Variants in POTEC observed in about 807,000 individuals in gnomAD.
POTEC encodes ANKRD26-like family B member 2.
POTEC carries 35 observed loss-of-function variants against 62.0 expected under a neutral mutation model. That is an observed-to-expected ratio of 0.56 (90% CI 0.43 to 0.75). The LOEUF (loss-of-function observed/expected upper bound fraction) is 0.75, where lower values mean the gene tolerates loss of function less well. Ranked by LOEUF, POTEC falls within the 30% of genes least tolerant of loss-of-function variation. The pLI is 0.00. For missense variants in POTEC, 472 were observed against 655.9 expected, an observed-to-expected ratio of 0.72 and a Z score of 3.06; for synonymous variants, 156 against 221.5, an observed-to-expected ratio of 0.70 and a Z score of 2.62.
chr18:14,533,738 A>T (rs1233901953), intron 4 of POTEC, among the ~76,000 whole-genome samples: 1 of 152,142 alleles, frequency 6.6e-6, no homozygotes, highest in Non-Finnish European at 1.5e-5. Flanking sequence ...ACTTTGAAGG[A>T]TATATTCTCC....
chr18:14,537,837 C>T lies in POTEC; in HGVS notation c.774G>A (p.Leu258=). Residue 258 remains leucine, a synonymous_variant, in exon 3 of 11, where the codon CTG becomes CTA. Transcript: ENST00000358970. ...HNEDKLMAKA[L]LLYGADIESK... is the part of the protein sequence containing the mutation. ...ATTCAATATCAGCACCATATAAGAGCAGTGCTTTGGCCATTAATTTATCTT... is the reference window on the plus strand; with the variant it reads ...ATTCAATATCAGCACCATATAAGAGTAGTGCTTTGGCCATTAATTTATCTT... 6.2e-7 allele frequency: 1 copy of T among 1,611,916 alleles called. No homozygotes were observed. Among genetic ancestry groups the T allele is most frequent in the East Asian group, 2.2e-5 (1 of 44,862 alleles).
chr18:14,533,606 C>A (rs1167067061), intron 4 of POTEC, among the ~76,000 whole-genome samples: 1 of 152,058 alleles, frequency 6.6e-6, no homozygotes, highest in Non-Finnish European at 1.5e-5. Context: ...ATGCTGAAAG[C>A]AGTAATATTA....
chr18:14,514,222 T>C (rs1388117891), intron 9 of POTEC, among the ~76,000 whole-genome samples: 1 of 151,896 alleles, frequency 6.6e-6, no homozygotes, highest in Admixed American at 6.6e-5. Flanking sequence ...ACAACCTATA[T>C]CCCATGCATG....
Position 14,530,618 on chromosome 18 carries a change from A to G in POTEC, c.1056-65T>C, listed in dbSNP as rs558395345. ...TACTGATATAAAAAATACTTACCAA[A>G]TGTAAAATTCTTAGAGTATTTCAAA... On this transcript the variant is annotated intron_variant, in intron 5 of 10. Transcript: ENST00000358970. 1.8e-5 allele frequency: 22 copies of G among 1,223,938 alleles called. No individual in the cohort carries two copies. In the African/African-American group the frequency reaches 3.2e-4, roughly 18 times the overall value. The allele number at this position is 1,223,938 out of a possible 1,614,324, so 75.8% of individuals were successfully genotyped here.
At chr18:14,541,289 G>A (rs1474863167) in intron 1 of POTEC, among the ~76,000 whole-genome samples, 2 of 152,136 alleles carry the variant, frequency 1.3e-5, no homozygotes, top group African/African-American at 4.8e-5. Context: ...TATGTGCACA[G>A]GTCACTGGTA....
chr18:14,530,063 T>G (rs1905451974), intron 6 of POTEC, among the ~76,000 whole-genome samples: 1 of 151,868 alleles, frequency 6.6e-6, no homozygotes, highest in South Asian at 2.1e-4. Flanking sequence ...TGGCTCATAT[T>G]ACCGCCTGAA....
intron 3 of POTEC, among the ~76,000 whole-genome samples, chr18:14,537,586 G>T (rs1424247001): frequency 1.3e-5 from 2 of 151,106 alleles, no homozygotes; most frequent in Non-Finnish European, 1.5e-5. Context: ...TTTTAAAAAA[G>T]CATTAACCAC....
Position 14,526,575 on chromosome 18 carries a change from G to C in POTEC, c.1127-1592C>G, listed in dbSNP as rs1369019063. Among the ~76,000 whole-genome samples, 7 of 152,190 alleles carry C rather than the reference G, an allele frequency of 4.6e-5. No homozygotes were observed. The South Asian group carries it at 1.2e-3, about 27-fold the overall frequency. The stretch of plus-strand genomic sequence containing the variant: ...TATTGAGGCTAGCTAGATTAAAAGT[G>C]GTAGAGGGCAAGAAAGGGTGACAGC... On this transcript the variant is annotated intron_variant, in intron 6 of 10. Coordinates refer to ENST00000358970, the MANE Select transcript of POTEC (RefSeq NM_001137671.2).
chr18:14,539,264 G>T (rs1463950363), intron 1 of POTEC, among the ~76,000 whole-genome samples: 8 of 151,910 alleles, frequency 5.3e-5, no homozygotes, highest in African/African-American at 1.7e-4. Flanking sequence ...AACTATTTGT[G>T]GAGCTTTTTT....
At chr18:14,542,480 G>A (rs763989846) in intron 1 of POTEC, 146 bp downstream of exon 1, 14 of 1,286,510 alleles carry the variant, frequency 1.1e-5, no homozygotes, top group African/African-American at 4.5e-5. Context: ...AGGGACCTGG[G>A]CCCTGACCTC....
At chr18:14,514,209 T>C (rs1228733858) in intron 9 of POTEC, among the ~76,000 whole-genome samples, 1 of 151,606 alleles carries the variant, frequency 6.6e-6, no homozygotes, top group Non-Finnish European at 1.5e-5. Flanking sequence ...TCATAAGGAG[T>C]GAACAACCTA....
At chr18:14,532,034 C>T (rs1233955949) in intron 5 of POTEC, among the ~76,000 whole-genome samples, 2 of 151,420 alleles carry the variant, frequency 1.3e-5, no homozygotes, top group African/African-American at 2.4e-5. Flanking sequence ...TTGGGGAAGG[C>T]TCATATGGGA....
At chr18:14,542,577 C>T (rs1905975302) in intron 1 of POTEC, 49 bp downstream of exon 1, 6 of 1,611,024 alleles carry the variant, frequency 3.7e-6, no homozygotes, top group South Asian at 1.1e-5. Context: ...GAGGGTATGT[C>T]CCCATCATCC....
chr18:14,520,474 T>C (rs1910282124), intron 9 of POTEC, among the ~76,000 whole-genome samples: 1 of 152,272 alleles, frequency 6.6e-6, no homozygotes, highest in South Asian at 2.1e-4. Flanking sequence ...TCATCAAATA[T>C]ACAAAGTAAT....
chr18:14,537,290 C>T (rs1417724723), intron 3 of POTEC, among the ~76,000 whole-genome samples: 3 of 146,290 alleles, frequency 2.1e-5, no homozygotes, highest in South Asian at 2.2e-4. Context: ...CTTGATATTT[C>T]TGATTGCTGC....
At chr18:14,514,915 C>A (rs895688736) in intron 9 of POTEC, among the ~76,000 whole-genome samples, 1 of 152,068 alleles carries the variant, frequency 6.6e-6, no homozygotes, top group Non-Finnish European at 1.5e-5. Context: ...CCAACTACAA[C>A]CAAGCTGAGA....
At chr18:14,526,519 T>C (rs542976234) in intron 6 of POTEC, among the ~76,000 whole-genome samples, 1 of 152,196 alleles carries the variant, frequency 6.6e-6, no homozygotes, top group Admixed American at 6.6e-5. Context: ...GGATGGCTTT[T>C]CTAGAACACC....
In POTEC at chr18:14,510,668, C is replaced by T. The variant is rs71362455; in HGVS notation, c.*1230G>A. On this transcript the variant is annotated 3_prime_UTR_variant, in exon 11 of 11. Coordinates refer to ENST00000358970, the MANE Select transcript of POTEC (RefSeq NM_001137671.2). Reference sequence around the variant, plus strand: ...TGAGGTATGAACCTGTTGCCAATCTCAACACACCTGTAGGATGTGACTGGA... The same window carrying T: ...TGAGGTATGAACCTGTTGCCAATCTTAACACACCTGTAGGATGTGACTGGA... 5 of 152,164 alleles carry T rather than the reference C, an allele frequency of 3.3e-5. No individual in the cohort carries two copies. The highest frequency in any genetic ancestry group is 1.2e-4 in the African/African-American group (5 of 41,406). 9.4% of individuals were successfully genotyped at this position (152,164 alleles called of 1,614,324 possible). A position where few individuals can be genotyped will look rare whatever the true frequency, so the allele number is the denominator to read the frequency against.
intron 1 of POTEC, among the ~76,000 whole-genome samples, chr18:14,538,503 G>A (rs566116507): frequency 1.4e-4 from 21 of 152,082 alleles, no homozygotes; most frequent in African/African-American, 5.1e-4. Context: ...AAGCTCTGTC[G>A]CTTCCTAGCT....
Sources: gnomAD v4.1 joint callset for allele counts (sites outside exome capture counted in the v4.1 genomes callset) on GRCh38, gnomAD v4.1.1 for gene constraint, MANE v1.5 for transcripts, NCBI Gene and HGNC (gene_info 2026-07-23, HGNC 2026-07-21) for gene names.